The following RIC3 variants were observed in gnomAD, a reference collection of about 807,000 sequenced individuals.
RIC3 encodes protein RIC-3.
In RIC3, 28 loss-of-function variants were observed where a neutral mutation model predicts 27.3. That is an observed-to-expected ratio of 1.02 (90% CI 0.76 to 1.41). RIC3 has a LOEUF of 1.41. Among genes scored for constraint, RIC3 ranks in the 40% most tolerant of loss-of-function variants. The pLI is 0.00. For missense variants in RIC3, 501 were observed against 444.7 expected, an observed-to-expected ratio of 1.13 and a Z score of -1.14; for synonymous variants, 184 against 160.4, an observed-to-expected ratio of 1.15 and a Z score of -1.11.
chr11:8,128,898 G>A (rs1293146897), intron 4 of RIC3, among the ~76,000 whole-genome samples: 1 of 151,838 alleles, frequency 6.6e-6, no homozygotes, highest in Non-Finnish European at 1.5e-5. Context: ...GGGACTACAG[G>A]CGCCAGCCAC....
At chr11:8,145,087 G>A (rs1196456003) in intron 1 of RIC3, among the ~76,000 whole-genome samples, 41 of 143,540 alleles carry the variant, frequency 2.9e-4, no homozygotes, top group East Asian at 1.7e-3. Context: ...GCTAGATGAC[G>A]AGTTAGTGGG....
chr11:8,137,247 C>T, intron 4 of RIC3, 131 bp downstream of exon 4: 1 of 718,782 alleles, frequency 1.4e-6, no homozygotes, highest in Non-Finnish European at 2.4e-6. Flanking sequence ...TGGTCTCAAA[C>T]TCCTGACCTC....
chr11:8,144,236 A>G (rs1237621803), intron 1 of RIC3, among the ~76,000 whole-genome samples: 1 of 151,096 alleles, frequency 6.6e-6, no homozygotes, highest in African/African-American at 2.4e-5. Context: ...ATCAGAGTGA[A>G]CAGGCAACCT....
At chr11:8,122,366 C>T (rs1007127000) in intron 5 of RIC3, among the ~76,000 whole-genome samples, 5 of 151,920 alleles carry the variant, frequency 3.3e-5, no homozygotes, top group African/African-American at 1.2e-4. Flanking sequence ...TAGTTTTTTC[C>T]CCCTACTCAG....
chr11:8,140,825 C>T (rs1157730287), intron 1 of RIC3, among the ~76,000 whole-genome samples: 4 of 152,000 alleles, frequency 2.6e-5, no homozygotes, highest in African/African-American at 4.8e-5. Flanking sequence ...AGACTAACAG[C>T]GGATCTCTCG....
chr11:8,096,823 G>A, the RIC3 span: 2 of 1,613,858 alleles, frequency 1.2e-6, no homozygotes, highest in African/African-American at 2.7e-5. Context: ...GAGTGAGTCT[G>A]CATCCACAGC....
At chr11:8,162,908 A>C (rs1218851972) in intron 1 of RIC3, among the ~76,000 whole-genome samples, 1 of 151,872 alleles carries the variant, frequency 6.6e-6, no homozygotes, top group Non-Finnish European at 1.5e-5. Flanking sequence ...GGGCTCCCCA[A>C]GTGCTGGGAT....
the RIC3 span, chr11:8,100,374 A>C: frequency 8.2e-6 from 6 of 727,598 alleles, no homozygotes; most frequent in Non-Finnish European, 1.4e-5. Context: ...TTAGGTTTAG[A>C]GGGATGTGTG....
At chr11:8,102,353 T>C (rs1564929625), downstream of RIC3, 1 of 152,250 alleles carries the variant, frequency 6.6e-6, no homozygotes, top group East Asian at 1.9e-4. Flanking sequence ...AGGGCTGTCT[T>C]GGTGGATGGG....
intron 5 of RIC3, among the ~76,000 whole-genome samples, chr11:8,122,547 T>A (rs975912428): frequency 2.0e-5 from 3 of 152,112 alleles, no homozygotes; most frequent in African/African-American, 7.2e-5. Flanking sequence ...GCTATAAATA[T>A]TCACAAAGAC....
In RIC3 at chr11:8,164,781, C is replaced by CAA. The variant is rs199958835; in HGVS notation, c.124+4083_124+4084dup. ...CACCAGAGTGAGACCCTGTCTCTCT[C>CAA]AAAAAAAAAAAAAAAAAAAAAAAAA... is the stretch of plus-strand genomic sequence containing the variant. On this transcript the variant is annotated intron_variant, in intron 1 of 5. Transcript: ENST00000309737. Among the ~76,000 whole-genome samples, 107 of 84,232 alleles carry CAA rather than the reference C, an allele frequency of 1.3e-3. 10 individuals are homozygous for CAA. The highest frequency in any genetic ancestry group is 2.0e-3 in the East Asian group (7 of 3,480). The allele number at this position is 84,232 out of a possible 152,430, so 55.3% of individuals were successfully genotyped here.
intron 4 of RIC3, among the ~76,000 whole-genome samples, chr11:8,127,606 G>A (rs1388858325): frequency 1.3e-5 from 2 of 152,172 alleles, no homozygotes; most frequent in African/African-American, 4.8e-5. Context: ...TTTTCTTCTA[G>A]AGGAAAGCAC....
Position 8,164,872 on chromosome 11 carries a change from T to C in RIC3, c.124+3994A>G, listed in dbSNP as rs190106026. On this transcript the variant is annotated intron_variant, in intron 1 of 5. Transcript: ENST00000309737. ...GAATAGACATTTCTCCAAAACAAGA[T>C]ATACAAATAGACAAAGAGTGAATAA... 5.4e-5 allele frequency among the ~76,000 whole-genome samples: 8 copies of C among 148,894 alleles called. No individual in the cohort carries two copies. In the East Asian group the frequency reaches 1.6e-3, roughly 29 times the overall value.
At position 8,140,151 on chromosome 11, in the gene RIC3, G is replaced by A. The variant is rs1948887143; in HGVS notation, c.167C>T (p.Ala56Val). 1 of 1,614,024 alleles carries A rather than the reference G, an allele frequency of 6.2e-7. No homozygotes were observed. The highest frequency in any genetic ancestry group is 1.3e-5 in the African/African-American group (1 of 75,022). The change falls in exon 2 of 6, where the codon GCA becomes GTA. Residue 56 changes from alanine to valine, a missense_variant. Physicochemically the swap from Ala to Val is moderately conservative, Grantham distance 64. Coordinates refer to ENST00000309737, the MANE Select transcript of RIC3 (RefSeq NM_001206671.4). Reference protein sequence around the residue: ...RFPPMMHHHQAPSDGQTPGAR... With the variant: ...RFPPMMHHHQVPSDGQTPGAR... The stretch of plus-strand genomic sequence containing the variant: ...CCCAGGAGTCTGGCCATCTGAGGGT[G>A]CCTGGTGATGATGCATCATAGGTGG...
At chr11:8,097,167 A>G in the RIC3 span, 1 of 1,582,460 alleles carries the variant, frequency 6.3e-7, no homozygotes, top group African/African-American at 1.3e-5. Flanking sequence ...TGGATCCCAG[A>G]CCACCAATTT....
chr11:8,142,411 A>C (rs1207875486), intron 1 of RIC3, among the ~76,000 whole-genome samples: 1 of 151,792 alleles, frequency 6.6e-6, no homozygotes, highest in East Asian at 1.9e-4. Flanking sequence ...CTACGCAAAA[A>C]AACTAGAAAA....
rs575654984 is a variant in RIC3, at chr11:8,136,257, G to A, written c.521+1121C>T. Among the ~76,000 whole-genome samples the A allele has an allele frequency of 3.9e-5, 6 of 152,306 alleles. No homozygotes were observed. In the South Asian group the frequency reaches 6.2e-4, roughly 16 times the overall value. ...GAAGCCAGTGAACAAAGGGCACAGC[G>A]TACTAGTACTATAAAGGATGGCAAA... On this transcript the variant is annotated intron_variant, in intron 4 of 5. Coordinates refer to ENST00000309737, the MANE Select transcript of RIC3 (RefSeq NM_001206671.4).
At chr11:8,148,897 T>G (rs1209491301) in intron 1 of RIC3, among the ~76,000 whole-genome samples, 1 of 150,098 alleles carries the variant, frequency 6.7e-6, no homozygotes, top group Admixed American at 6.7e-5. Context: ...AAAAGAGGAG[T>G]TGGCTGGGCG....
At chr11:8,149,452 T>C (rs1395123778) in intron 1 of RIC3, among the ~76,000 whole-genome samples, 1 of 152,118 alleles carries the variant, frequency 6.6e-6, no homozygotes, top group Non-Finnish European at 1.5e-5. Context: ...GTGTGATATA[T>C]AAATTTGATA....
Sources: allele counts gnomAD v4.1 joint callset (sites outside exome capture counted in the v4.1 genomes callset), GRCh38; gene constraint gnomAD v4.1.1; transcripts MANE v1.5; gene names NCBI Gene and HGNC (gene_info 2026-07-23, HGNC 2026-07-21).